The following TAMM41 variants were observed in gnomAD, a reference collection of about 807,000 sequenced individuals.
TAMM41 encodes the protein TAM41 mitochondrial translocator assembly and maintenance homolog.
In TAMM41, 36 loss-of-function variants were observed where a neutral mutation model predicts 44.1. The observed-to-expected ratio is 0.82, with a 90% CI of 0.63 to 1.08. The LOEUF (loss-of-function observed/expected upper bound fraction) is 1.08. Ranked by LOEUF, TAMM41 falls within the 50% of genes least tolerant of loss-of-function variation. The probability of loss-of-function intolerance (pLI) is 0.00; values close to 1 mark genes in which losing one functional copy is unlikely to be tolerated. For missense variants in TAMM41, 417 were observed against 404.3 expected, an observed-to-expected ratio of 1.03 and a Z score of -0.27; for synonymous variants, 164 against 153.1, an observed-to-expected ratio of 1.07 and a Z score of -0.53.
chr3:11,823,219 C>G (rs557568494), intron 4 of TAMM41, among the ~76,000 whole-genome samples: 1 of 150,526 alleles, frequency 6.6e-6, no homozygotes, highest in East Asian at 1.9e-4. Context: ...TGTTTTTAAA[C>G]TGGATTGTCT....
At chr3:11,753,491 G>T in the TAMM41 span, among the ~76,000 whole-genome samples, 1 of 152,086 alleles carries the variant, frequency 6.6e-6, no homozygotes, top group South Asian at 2.1e-4. Flanking sequence ...TTGGGAGGCC[G>T]AGGCATGTGG....
downstream of TAMM41, among the ~76,000 whole-genome samples, chr3:11,790,062 G>C (rs538586417): frequency 3.9e-5 from 6 of 152,296 alleles, no homozygotes; most frequent in African/African-American, 1.4e-4. Flanking sequence ...CCTAGATCCA[G>C]GGAAATGTTG....
At chr3:11,830,770 T>G (rs1176870581) in intron 3 of TAMM41, 1 of 151,046 alleles carries the variant, frequency 6.6e-6, no homozygotes, top group East Asian at 1.9e-4. Flanking sequence ...ACTCAGGAGG[T>G]TGAGGTAGGA....
chr3:11,792,487 CTG>C (rs1257365965), intron 7 of TAMM41, among the ~76,000 whole-genome samples: 1 of 152,176 alleles, frequency 6.6e-6, no homozygotes, highest in Non-Finnish European at 1.5e-5. Flanking sequence ...GGAAAATCTA[CTG>C]TGTGTGTGCG....
the TAMM41 span, among the ~76,000 whole-genome samples, chr3:11,731,705 T>A: frequency 4.6e-5 from 7 of 152,134 alleles, no homozygotes; most frequent in East Asian, 3.8e-4. Flanking sequence ...ACTAGCAAGC[T>A]GATGCCCCAT....
the TAMM41 span, among the ~76,000 whole-genome samples, chr3:11,776,325 AT>A: frequency 6.6e-6 from 1 of 150,540 alleles, no homozygotes; most frequent in Non-Finnish European, 1.5e-5. Context: ...GCCATTTAAA[AT>A]TTTTTTTTTA....
chr3:11,748,830 T>C, the TAMM41 span, among the ~76,000 whole-genome samples: 2 of 151,850 alleles, frequency 1.3e-5, no homozygotes, highest in African/African-American at 4.8e-5. Flanking sequence ...TCTGTGACAA[T>C]GAGAGCCTGG....
intron 7 of TAMM41, among the ~76,000 whole-genome samples, chr3:11,791,335 G>A (rs1044662607): frequency 1.3e-5 from 2 of 152,300 alleles, no homozygotes; most frequent in Non-Finnish European, 1.5e-5. Flanking sequence ...ACTTAGTCAG[G>A]AGTGTGTGAT....
At chr3:11,836,025 C>T (rs1273053170) in intron 3 of TAMM41, among the ~76,000 whole-genome samples, 2 of 146,852 alleles carry the variant, frequency 1.4e-5, no homozygotes, top group Non-Finnish European at 3.0e-5. Flanking sequence ...GGTCTCGCTG[C>T]GTCACCTAGG....
chr3:11,769,184 G>T, the TAMM41 span, among the ~76,000 whole-genome samples: 1 of 152,264 alleles, frequency 6.6e-6, no homozygotes, highest in South Asian at 2.1e-4. Context: ...TAACCTGACG[G>T]GTTCAAGCGA....
chr3:11,807,365 A>C (rs2077941783), intron 7 of TAMM41: 1 of 1,492,728 alleles, frequency 6.7e-7, no homozygotes, highest in Non-Finnish European at 8.9e-7. Context: ...AGAGAAGTCA[A>C]TAGATGATAC....
chr3:11,781,989 C>A, the TAMM41 span, among the ~76,000 whole-genome samples: 1 of 152,164 alleles, frequency 6.6e-6, no homozygotes, highest in South Asian at 2.1e-4. Context: ...TATGGTCCCA[C>A]TTCATCTCAG....
chr3:11,722,125 G>A, the TAMM41 span, among the ~76,000 whole-genome samples: 1 of 152,198 alleles, frequency 6.6e-6, no homozygotes, highest in Non-Finnish European at 1.5e-5. Context: ...GGTCAGTGCG[G>A]AGGTCCTAAA....
At chr3:11,786,287 T>TAA (rs1284229258), downstream of TAMM41, among the ~76,000 whole-genome samples, 7 of 24,378 alleles carry the variant, frequency 2.9e-4, no homozygotes, top group Non-Finnish European at 3.9e-4. Flanking sequence ...TTATTTAATT[T>TAA]TATTATTATT....
intron 4 of TAMM41, among the ~76,000 whole-genome samples, chr3:11,826,451 C>T (rs2078753144): frequency 1.3e-5 from 2 of 149,976 alleles, no homozygotes; most frequent in Admixed American, 1.3e-4. Flanking sequence ...GTTGCTTGGG[C>T]CCGGGAGGTC....
chr3:11,829,689 A>C, intron 4 of TAMM41, 25 bp downstream of exon 4: 1 of 1,612,752 alleles, frequency 6.2e-7, no homozygotes, highest in Non-Finnish European at 8.5e-7. Context: ...CCCTTGTAGA[A>C]CATCTGGGCA....
At chr3:11,809,246 T>G (rs146448012) in intron 6 of TAMM41, 1 of 458,034 alleles carries the variant, frequency 2.2e-6, no homozygotes, top group Non-Finnish European at 3.8e-6. Flanking sequence ...TTCTAGAAGT[T>G]GTGCTCTAGG....
At chr3:11,752,577 C>T in the TAMM41 span, among the ~76,000 whole-genome samples, 1 of 147,878 alleles carries the variant, frequency 6.8e-6, no homozygotes, top group Non-Finnish European at 1.5e-5. Context: ...AGTCCCCACT[C>T]GACCCAGGAA....
intron 7 of TAMM41, among the ~76,000 whole-genome samples, chr3:11,802,871 C>G (rs1285973726): frequency 6.6e-6 from 1 of 152,220 alleles, no homozygotes; most frequent in African/African-American, 2.4e-5. Context: ...TGGGATTTAT[C>G]CCAGGGATGC....
Sources: allele counts gnomAD v4.1 joint callset (sites outside exome capture counted in the v4.1 genomes callset), GRCh38; gene constraint gnomAD v4.1.1; transcripts MANE v1.5; gene names NCBI Gene and HGNC (gene_info 2026-07-23, HGNC 2026-07-21).